Variants in RSF1 observed in about 807,000 individuals in gnomAD.
RSF1 encodes HBV pX-associated protein 8.
Under a neutral mutation model 145.2 loss-of-function variants are expected in RSF1, and 13 were observed. That is an observed-to-expected ratio of 0.09 (90% CI 0.06 to 0.14). The LOEUF (loss-of-function observed/expected upper bound fraction) is 0.14, where lower values mean the gene tolerates loss of function less well. Ranked by LOEUF, RSF1 falls within the 10% of genes least tolerant of loss-of-function variation. RSF1 has a pLI of 1.00. For missense variants in RSF1, 1,517 were observed against 1,718.2 expected, an observed-to-expected ratio of 0.88 and a Z score of 2.07; for synonymous variants, 577 against 592.6, an observed-to-expected ratio of 0.97 and a Z score of 0.38.
chr11:77,824,969 A>C (rs1204934358), upstream of RSF1, among the ~76,000 whole-genome samples: 3 of 151,902 alleles, frequency 2.0e-5, no homozygotes, highest in African/African-American at 7.3e-5. Flanking sequence ...TTTGTTACAT[A>C]GTTTTTTTGT....
intron 1 of RSF1, among the ~76,000 whole-genome samples, chr11:77,781,793 A>G (rs1948407124): frequency 6.6e-6 from 1 of 152,196 alleles, no homozygotes; most frequent in African/African-American, 2.4e-5. Flanking sequence ...TTCCAGTTAT[A>G]ACTGCATTGT....
chr11:77,846,729 T>C, the RSF1 span, among the ~76,000 whole-genome samples: 6 of 152,186 alleles, frequency 3.9e-5, no homozygotes, highest in African/African-American at 1.4e-4. Context: ...TAGTATCCTT[T>C]AGAAGTTCTT....
intron 3 of RSF1, among the ~76,000 whole-genome samples, chr11:77,741,464 C>A (rs1006586675): frequency 6.6e-6 from 1 of 151,934 alleles, no homozygotes; most frequent in Non-Finnish European, 1.5e-5. Context: ...GTTGAGGATG[C>A]GGTGAGCTGT....
chr11:77,713,475 A>G (rs1235804218), intron 5 of RSF1, among the ~76,000 whole-genome samples: 1 of 152,126 alleles, frequency 6.6e-6, no homozygotes, highest in South Asian at 2.1e-4. Context: ...TACGCAAGGT[A>G]TTTCTTTCTT....
At chr11:77,841,545 G>C in the RSF1 span, among the ~76,000 whole-genome samples, 1 of 152,192 alleles carries the variant, frequency 6.6e-6, no homozygotes, top group Non-Finnish European at 1.5e-5. Context: ...TCAAAGTCCA[G>C]CTGTTGTATG....
intron 1 of RSF1, among the ~76,000 whole-genome samples, chr11:77,769,178 C>T (rs1948256899): frequency 6.6e-6 from 1 of 152,134 alleles, no homozygotes; most frequent in Non-Finnish European, 1.5e-5. Context: ...CTGCCTCAGC[C>T]TCCCAAGTAG....
chr11:77,829,025 G>C, the RSF1 span, among the ~76,000 whole-genome samples: 1 of 152,216 alleles, frequency 6.6e-6, no homozygotes, highest in African/African-American at 2.4e-5. Context: ...GCATATGACA[G>C]ACTGTGTCTC....
the RSF1 span, among the ~76,000 whole-genome samples, chr11:77,833,169 C>G: frequency 2.6e-5 from 4 of 151,024 alleles, no homozygotes; most frequent in African/African-American, 7.3e-5. Context: ...ACCACCACAC[C>G]CAGCTAATGT....
chr11:77,867,033 G>T, the RSF1 span, among the ~76,000 whole-genome samples: 1 of 152,050 alleles, frequency 6.6e-6, no homozygotes. Flanking sequence ...TAGAGACAAA[G>T]TTTCACCACC....
At chr11:77,843,363 C>T in the RSF1 span, among the ~76,000 whole-genome samples, 11 of 152,154 alleles carry the variant, frequency 7.2e-5, no homozygotes, top group Admixed American at 2.6e-4. Flanking sequence ...TACCTTTTGA[C>T]CCCACTCACC....
At chr11:77,849,806 A>T in the RSF1 span, among the ~76,000 whole-genome samples, 1 of 152,224 alleles carries the variant, frequency 6.6e-6, no homozygotes, top group African/African-American at 2.4e-5. Flanking sequence ...TTCCTTCTGT[A>T]TCTGATGAAA....
intron 2 of RSF1, among the ~76,000 whole-genome samples, chr11:77,754,036 T>C (rs2135926978): frequency 6.6e-6 from 1 of 152,290 alleles, no homozygotes; most frequent in Non-Finnish European, 1.5e-5. Flanking sequence ...ATTTGAATAA[T>C]AATTATGACT....
At chr11:77,700,680 T>C in intron 6 of RSF1, 41 bp downstream of exon 6, 1 of 1,428,426 alleles carries the variant, frequency 7.0e-7, no homozygotes. Context: ...TATTAATATA[T>C]AGAGACAAAT....
At chr11:77,794,514 C>T (rs1376289160) in intron 1 of RSF1, among the ~76,000 whole-genome samples, 1 of 151,682 alleles carries the variant, frequency 6.6e-6, no homozygotes, top group Non-Finnish European at 1.5e-5. Context: ...GAAACCCTGT[C>T]TATAAATAAA....
chr11:77,781,242 GC>G (rs1191776315), intron 1 of RSF1, among the ~76,000 whole-genome samples: 9 of 152,050 alleles, frequency 5.9e-5, no homozygotes, highest in Non-Finnish European at 1.3e-4. Context: ...GGGATTACAG[GC>G]ATGTGCCACC....
At chr11:77,808,901 T>A (rs1948705478) in intron 1 of RSF1, among the ~76,000 whole-genome samples, 1 of 151,872 alleles carries the variant, frequency 6.6e-6, no homozygotes, top group Non-Finnish European at 1.5e-5. Flanking sequence ...TAAAAAGAGG[T>A]GAGTGGGGAA....
intron 5 of RSF1, among the ~76,000 whole-genome samples, chr11:77,713,882 G>A (rs898242864): frequency 6.6e-6 from 1 of 152,156 alleles, no homozygotes; most frequent in Non-Finnish European, 1.5e-5. Flanking sequence ...CCGTAGGGAT[G>A]TTATTCTGCT....
intron 1 of RSF1, among the ~76,000 whole-genome samples, chr11:77,769,081 G>A (rs1948255973): frequency 6.6e-6 from 1 of 151,948 alleles, no homozygotes; most frequent in African/African-American, 2.4e-5. Flanking sequence ...TTTTTGAGAT[G>A]GAGTCTCGCT....
intron 7 of RSF1, among the ~76,000 whole-genome samples, chr11:77,695,001 T>C (rs1178966354): frequency 6.6e-6 from 1 of 152,182 alleles, no homozygotes; most frequent in Non-Finnish European, 1.5e-5. Flanking sequence ...AGGGGATACA[T>C]GTTATCAATG....
Sources: gnomAD v4.1 joint callset for allele counts (sites outside exome capture counted in the v4.1 genomes callset) on GRCh38, gnomAD v4.1.1 for gene constraint, MANE v1.5 for transcripts, NCBI Gene and HGNC (gene_info 2026-07-23, HGNC 2026-07-21) for gene names.